Variants in CSMD2 observed in about 807,000 individuals in gnomAD.
The protein encoded by CSMD2 is CUB and sushi domain-containing protein 2.
Under a neutral mutation model 398.5 loss-of-function variants are expected in CSMD2, and 130 were observed. The ratio of observed to expected loss-of-function variants is 0.33; its 90% CI spans 0.28 to 0.38. The LOEUF (loss-of-function observed/expected upper bound fraction) is 0.38, where lower values mean the gene tolerates loss of function less well. Ranked by LOEUF, CSMD2 falls within the 10% of genes least tolerant of loss-of-function variation. CSMD2 has a pLI of 1.00. For missense variants in CSMD2, 3,829 were observed against 4,764.9 expected, an observed-to-expected ratio of 0.80 and a Z score of 5.78; for synonymous variants, 1,828 against 1,908.5, an observed-to-expected ratio of 0.96 and a Z score of 1.10.
intron 12 of CSMD2, among the ~76,000 whole-genome samples, chr1:33,773,722 C>A (rs1651588961): frequency 6.6e-6 from 1 of 152,120 alleles, no homozygotes; most frequent in Non-Finnish European, 1.5e-5. Context: ...GGGCGTCCTG[C>A]AGGATAGACA....
At chr1:33,694,813 C>A (rs937208057) in intron 24 of CSMD2, among the ~76,000 whole-genome samples, 31 of 152,062 alleles carry the variant, frequency 2.0e-4, no homozygotes, top group African/African-American at 7.5e-4. Context: ...TGTTCTGTGA[C>A]CAACCTCCTC....
At chr1:33,523,638 A>G (rs1654509257) in intron 66 of CSMD2, among the ~76,000 whole-genome samples, 2 of 152,226 alleles carry the variant, frequency 1.3e-5, no homozygotes, top group Admixed American at 1.3e-4. Flanking sequence ...ATGCATATGT[A>G]TGTTAATAAT....
chr1:34,140,958 C>T (rs1639234106), intron 1 of CSMD2, among the ~76,000 whole-genome samples: 1 of 152,082 alleles, frequency 6.6e-6, no homozygotes, highest in East Asian at 1.9e-4. Flanking sequence ...CTTCCTGCAG[C>T]CCCAGCCACC....
Position 33,515,438 on chromosome 1 carries a change from T to C in CSMD2, c.*1186A>G, listed in dbSNP as rs1653678778. The stretch of plus-strand genomic sequence containing the variant: ...TAGAGATTCATCGGCTCCTCCCTTC[T>C]TAGCTGCCCCTTCTAGAACAGGGTT... On this transcript the variant is annotated 3_prime_UTR_variant, in exon 71 of 71. Transcript: ENST00000373381. The C allele has an allele frequency of 2.0e-5, 3 of 152,308 alleles. No homozygotes were observed. The highest frequency in any genetic ancestry group is 7.2e-5 in the African/African-American group (3 of 41,460). 9.4% of individuals were successfully genotyped at this position (152,308 alleles called of 1,614,324 possible). A position where few individuals can be genotyped will look rare whatever the true frequency, so the allele number is the denominator to read the frequency against.
At chr1:33,679,492 G>A (rs543010529) in intron 25 of CSMD2, among the ~76,000 whole-genome samples, 13 of 152,202 alleles carry the variant, frequency 8.5e-5, no homozygotes, top group South Asian at 4.1e-4. Context: ...GAGCCACTGC[G>A]CCCAGCCTCA....
chr1:34,151,504 G>A (rs763804297), intron 1 of CSMD2, among the ~76,000 whole-genome samples: 4 of 152,152 alleles, frequency 2.6e-5, no homozygotes, highest in Non-Finnish European at 5.9e-5. Flanking sequence ...TGGGGAGGAG[G>A]ATGACTTACA....
intron 12 of CSMD2, among the ~76,000 whole-genome samples, chr1:33,777,199 TG>T (rs1652106059): frequency 6.6e-6 from 1 of 150,652 alleles, no homozygotes; most frequent in African/African-American, 2.4e-5. Flanking sequence ...TACAGGGTCG[TG>T]GTGACTTCAC....
intron 3 of CSMD2, among the ~76,000 whole-genome samples, chr1:34,025,776 A>G (rs1308930853): frequency 6.6e-6 from 1 of 152,190 alleles, no homozygotes; most frequent in Non-Finnish European, 1.5e-5. Flanking sequence ...CTGAGACTTC[A>G]TCCCTATCCA....
intron 1 of CSMD2, among the ~76,000 whole-genome samples, chr1:34,136,264 C>T (rs1237787793): frequency 1.3e-5 from 2 of 152,198 alleles, no homozygotes; most frequent in Admixed American, 6.5e-5. Context: ...ACCTCACATC[C>T]ATTAAACAAG....
intron 1 of CSMD2, among the ~76,000 whole-genome samples, chr1:34,148,073 A>G (rs1267261147): frequency 6.6e-6 from 1 of 152,146 alleles, no homozygotes; most frequent in African/African-American, 2.4e-5. Context: ...GGGTAAGATG[A>G]ACTTCTAGGT....
chr1:33,837,551 A>G (rs995282229), intron 6 of CSMD2, among the ~76,000 whole-genome samples: 4 of 152,232 alleles, frequency 2.6e-5, no homozygotes, highest in African/African-American at 9.6e-5. Flanking sequence ...CCCCGATAGT[A>G]TGCTTAATAT....
chr1:33,903,965 G>A (rs1050167920), intron 5 of CSMD2, among the ~76,000 whole-genome samples: 1 of 152,202 alleles, frequency 6.6e-6, no homozygotes, highest in Non-Finnish European at 1.5e-5. Context: ...AGAAGCCCGA[G>A]CAGGGAACCT....
chr1:33,659,418 C>T (rs1475379052), intron 26 of CSMD2, among the ~76,000 whole-genome samples: 2 of 152,188 alleles, frequency 1.3e-5, no homozygotes, highest in Non-Finnish European at 2.9e-5. Context: ...TCCCTCATAG[C>T]CTGTGCTCAG....
intron 1 of CSMD2, among the ~76,000 whole-genome samples, chr1:34,141,599 G>T (rs1298842741): frequency 6.6e-6 from 1 of 152,170 alleles, no homozygotes; most frequent in African/African-American, 2.4e-5. Context: ...GTGTGTCTGA[G>T]GAACAGCAGA....
At chr1:33,806,700 A>T (rs1341021039) in intron 10 of CSMD2, among the ~76,000 whole-genome samples, 1 of 152,242 alleles carries the variant, frequency 6.6e-6, no homozygotes, top group Non-Finnish European at 1.5e-5. Context: ...ATAAAATATG[A>T]CAATATGACT....
chr1:33,866,658 C>T (rs959602191), intron 5 of CSMD2, among the ~76,000 whole-genome samples: 8 of 152,210 alleles, frequency 5.3e-5, no homozygotes, highest in African/African-American at 1.9e-4. Context: ...CCTGGTCTCA[C>T]CCCTCACGGA....
At chr1:33,661,095 G>A (rs1017503763) in intron 26 of CSMD2, among the ~76,000 whole-genome samples, 3 of 152,210 alleles carry the variant, frequency 2.0e-5, no homozygotes, top group African/African-American at 7.2e-5. Flanking sequence ...CAGCATAGGA[G>A]AGCACCCAGG....
In CSMD2 at chr1:33,669,150, C is replaced by T. The variant is rs530152717; in HGVS notation, c.4053-6058G>A. On this transcript the variant is annotated intron_variant, in intron 25 of 70. Coordinates refer to ENST00000373381, the MANE Select transcript of CSMD2 (RefSeq NM_001281956.2). ...AGAGGCAACTAGCAAGGGTCAGAGACGGTATTCAAACCATGTCTGTCTGGT... is the reference window on the plus strand; with the variant it reads ...AGAGGCAACTAGCAAGGGTCAGAGATGGTATTCAAACCATGTCTGTCTGGT... 3.5e-4 allele frequency among the ~76,000 whole-genome samples: 53 copies of T among 152,306 alleles called. 1 individual carries two copies. In the Middle Eastern group the frequency reaches 0.01, roughly 29 times the overall value.
chr1:34,057,993 C>T lies in CSMD2; in HGVS notation c.405-25287G>A, dbSNP rs188706199. Among the ~76,000 whole-genome samples the T allele has an allele frequency of 2.0e-3, 312 of 152,242 alleles. 1 individual carries two copies. The highest frequency in any genetic ancestry group is 6.6e-3 in the African/African-American group (273 of 41,554). ...CTGTTTCTGGCAGGCTTGGCTTCTC[C>T]TGGCCTGAAAGCAGAGAGAACTAGC... is the stretch of plus-strand genomic sequence containing the variant. On this transcript the variant is annotated intron_variant, in intron 2 of 70. Transcript: ENST00000373381.
Sources: allele counts gnomAD v4.1 joint callset (sites outside exome capture counted in the v4.1 genomes callset), GRCh38; gene constraint gnomAD v4.1.1; transcripts MANE v1.5; gene names NCBI Gene and HGNC (gene_info 2026-07-23, HGNC 2026-07-21).